The following ASTN2 variants were observed in gnomAD, a reference collection of about 807,000 sequenced individuals.
ASTN2 encodes astrotactin-2.
Under a neutral mutation model 139.8 loss-of-function variants are expected in ASTN2, and 54 were observed. The ratio of observed to expected loss-of-function variants is 0.39; its 90% CI spans 0.31 to 0.48. The LOEUF is 0.48. Ranked by LOEUF, ASTN2 falls within the 20% of genes least tolerant of loss-of-function variation. ASTN2 has a pLI of 0.95. For synonymous variants in ASTN2, 756 were observed against 719.5 expected (o/e 1.05, Z -0.81); for missense variants, 1,565 against 1,725.1 (o/e 0.91, Z 1.64).
At chr9:117,403,654 C>G (rs1043421709) in intron 1 of ASTN2, among the ~76,000 whole-genome samples, 2 of 151,958 alleles carry the variant, frequency 1.3e-5, no homozygotes, top group African/African-American at 2.4e-5. Flanking sequence ...ATGTTCCTTC[C>G]CTTTTCGGCT....
At chr9:117,067,843 T>C (rs1827997721) in intron 5 of ASTN2, among the ~76,000 whole-genome samples, 1 of 110,744 alleles carries the variant, frequency 9.0e-6, no homozygotes, top group Admixed American at 9.0e-5. Context: ...CTTGTGATTT[T>C]TGTACATTGA....
chr9:116,846,082 C>G (rs986405819), intron 11 of ASTN2, among the ~76,000 whole-genome samples: 2 of 152,116 alleles, frequency 1.3e-5, no homozygotes, highest in African/African-American at 2.4e-5. Context: ...GGACATTATG[C>G]TAAGTGAAAT....
intron 10 of ASTN2, among the ~76,000 whole-genome samples, chr9:116,918,670 T>C (rs1273789988): frequency 1.3e-5 from 2 of 152,222 alleles, no homozygotes; most frequent in South Asian, 4.1e-4. Context: ...AGTGTCCCTC[T>C]GGCATCTCCA....
In ASTN2 at chr9:116,851,684, C is replaced by T. The variant is rs985978187; in HGVS notation, c.2040+11899G>A. Among the ~76,000 whole-genome samples, 6 of 150,254 alleles carry T rather than the reference C, an allele frequency of 4.0e-5. 1 individual carries two copies. In the South Asian group the frequency reaches 6.2e-4, roughly 16 times the overall value. On this transcript the variant is annotated intron_variant, in intron 11 of 22. Transcript: ENST00000313400. The stretch of plus-strand genomic sequence containing the variant: ...ATAATTTCATAATTAAAAAAAAACA[C>T]GTTTTAGTTGAATTGCTTCATTACC...
At chr9:116,635,143 C>T (rs1244102293) in intron 17 of ASTN2, among the ~76,000 whole-genome samples, 1 of 152,150 alleles carries the variant, frequency 6.6e-6, no homozygotes, top group African/African-American at 2.4e-5. Flanking sequence ...AAAATGAGAG[C>T]TTAAACCTAA....
At chr9:116,436,497 A>G (rs1847653506) in intron 22 of ASTN2, among the ~76,000 whole-genome samples, 1 of 152,212 alleles carries the variant, frequency 6.6e-6, no homozygotes, top group African/African-American at 2.4e-5. Context: ...AATACGACAT[A>G]AGGGATCACT....
chr9:116,711,901 A>G (rs1168953074), intron 16 of ASTN2, among the ~76,000 whole-genome samples: 1 of 152,222 alleles, frequency 6.6e-6, no homozygotes, highest in Non-Finnish European at 1.5e-5. Flanking sequence ...ACTCTAATCT[A>G]GCATCTCACA....
At chr9:116,937,003 G>T (rs146432843) in intron 10 of ASTN2, among the ~76,000 whole-genome samples, 45 of 152,270 alleles carry the variant, frequency 3.0e-4, no homozygotes, top group Admixed American at 9.8e-4. Context: ...TGAATTGTAT[G>T]TGTCGGATTT....
chr9:116,625,500 G>A (rs1013584488), intron 17 of ASTN2, among the ~76,000 whole-genome samples: 1 of 152,122 alleles, frequency 6.6e-6, no homozygotes, highest in Admixed American at 6.5e-5. Context: ...CATTCTATAG[G>A]CACTTGCCGT....
intron 10 of ASTN2, among the ~76,000 whole-genome samples, chr9:116,948,037 C>T (rs1005737901): frequency 1.3e-5 from 2 of 152,198 alleles, no homozygotes; most frequent in Non-Finnish European, 2.9e-5. Flanking sequence ...GATGTTTCTT[C>T]ATAATTAGGT....
intron 2 of ASTN2, among the ~76,000 whole-genome samples, chr9:117,242,970 A>T (rs1227708781): frequency 6.6e-6 from 1 of 152,210 alleles, no homozygotes; most frequent in African/African-American, 2.4e-5. Context: ...TAAGTAATTA[A>T]TCATCATCGC....
chr9:117,101,349 A>G (rs925119581), intron 4 of ASTN2, among the ~76,000 whole-genome samples: 3 of 152,242 alleles, frequency 2.0e-5, no homozygotes, highest in African/African-American at 4.8e-5. Flanking sequence ...TTGGTGATTT[A>G]GTGCAATAAA....
chr9:116,820,455 A>T (rs1310987086), intron 12 of ASTN2, among the ~76,000 whole-genome samples, 162 bp downstream of exon 12: 1 of 152,208 alleles, frequency 6.6e-6, no homozygotes, highest in African/African-American at 2.4e-5. Context: ...ACAGAAGGTT[A>T]TACTTTTGGC....
chr9:116,913,636 G>T (rs1370572969), intron 10 of ASTN2, among the ~76,000 whole-genome samples: 1 of 152,178 alleles, frequency 6.6e-6, no homozygotes, highest in African/African-American at 2.4e-5. Flanking sequence ...CAACTGTATT[G>T]TTCAAAGAAT....
At chr9:117,037,630 T>C (rs1488169277) in intron 6 of ASTN2, among the ~76,000 whole-genome samples, 1 of 152,224 alleles carries the variant, frequency 6.6e-6, no homozygotes, top group Non-Finnish European at 1.5e-5. Context: ...AGGGATTCCA[T>C]TTCTACATGT....
At chr9:116,659,474 A>C (rs1440148020) in intron 16 of ASTN2, among the ~76,000 whole-genome samples, 1 of 152,198 alleles carries the variant, frequency 6.6e-6, no homozygotes, top group Non-Finnish European at 1.5e-5. Context: ...TATTTTATTA[A>C]TGTACACTTG....
intron 1 of ASTN2, among the ~76,000 whole-genome samples, chr9:117,401,055 G>A (rs1431219956): frequency 1.3e-5 from 2 of 152,174 alleles, no homozygotes; most frequent in East Asian, 3.8e-4. Context: ...CACATAGGTA[G>A]CATGTACTAA....
chr9:116,736,332 G>C (rs139924055), intron 13 of ASTN2, among the ~76,000 whole-genome samples: 1 of 152,322 alleles, frequency 6.6e-6, no homozygotes, highest in East Asian at 1.9e-4. Flanking sequence ...TCAGAAAGTT[G>C]AATATAGAAG....
intron 1 of ASTN2, among the ~76,000 whole-genome samples, chr9:117,328,084 G>C (rs1828578316): frequency 6.6e-6 from 1 of 152,168 alleles, no homozygotes; most frequent in African/African-American, 2.4e-5. Flanking sequence ...CTGATTCTTA[G>C]ATCAGGATTC....
Sources: gnomAD v4.1 joint callset for allele counts (sites outside exome capture counted in the v4.1 genomes callset) on GRCh38, gnomAD v4.1.1 for gene constraint, MANE v1.5 for transcripts, NCBI Gene and HGNC (gene_info 2026-07-23, HGNC 2026-07-21) for gene names.